Variants in SYNE2 observed in about 807,000 individuals in gnomAD.
SYNE2 encodes spectrin repeat containing nuclear envelope protein 2.
Under a neutral mutation model 856.3 loss-of-function variants are expected in SYNE2, and 431 were observed. The ratio of observed to expected loss-of-function variants is 0.50; its 90% confidence interval spans 0.47 to 0.55. The LOEUF (loss-of-function observed/expected upper bound fraction) is 0.55. SYNE2 is among the 20% of genes least tolerant of loss of function. SYNE2 has a pLI of 0.00. For synonymous variants in SYNE2, 2,923 were observed against 2,872.3 expected (o/e 1.02, Z -0.56); for missense variants, 8,129 against 8,023.2 (o/e 1.01, Z -0.50).
intron 84 of SYNE2, among the ~76,000 whole-genome samples, chr14:64,152,257 G>A (rs1176408508): frequency 1.3e-5 from 2 of 152,164 alleles, no homozygotes; most frequent in Middle Eastern, 3.2e-3. Context: ...TGAAAGGTTC[G>A]ATGACTTATG....
chr14:64,100,531 A>AAAAAAAAAATAT (rs1491537041), intron 63 of SYNE2, among the ~76,000 whole-genome samples: 4 of 39,482 alleles, frequency 1.0e-4, no homozygotes, highest in African/African-American at 3.7e-4. Context: ...AAAAAAAAAA[A>AAAAAAAAAATAT]ATATATATAT....
Position 64,137,874 on chromosome 14 carries a change from C to A in SYNE2, c.14734C>A (p.Pro4912Thr), listed in dbSNP as rs17766354. 11 of 1,614,016 alleles carry A rather than the reference C, an allele frequency of 6.8e-6. No individual in the cohort carries two copies. The highest frequency in any genetic ancestry group is 9.3e-6 in the Non-Finnish European group (11 of 1,180,040). The change falls in exon 79 of 116, where the codon CCT becomes ACT. Residue 4912 changes from proline (P) to threonine (T), a missense_variant. By Grantham distance (38) the Pro-to-Thr change is conservative. Coordinates refer to ENST00000555002, the MANE Select transcript of SYNE2 (RefSeq NM_182914.3). ...ACAGTTGGTGGCGTCTGTGAGCTGTCCTGAATTAGAGGGCCAGATCGCAAA... is the reference window on the plus strand; with the variant it reads ...ACAGTTGGTGGCGTCTGTGAGCTGTACTGAATTAGAGGGCCAGATCGCAAA... ...GKQLVASVSC[P>T]ELEGQIAKLE...
At chr14:64,169,230 C>T (rs1321242387) in intron 93 of SYNE2, among the ~76,000 whole-genome samples, 1 of 152,246 alleles carries the variant, frequency 6.6e-6, no homozygotes, top group Non-Finnish European at 1.5e-5. Context: ...AAAATGCCCA[C>T]TTCTCAAGTA....
In SYNE2 at chr14:64,183,969, G is replaced by A. The variant is rs568179870; in HGVS notation, c.17557-2455G>A. On this transcript the variant is annotated intron_variant, in intron 96 of 115. Coordinates refer to ENST00000555002, the MANE Select transcript of SYNE2 (RefSeq NM_182914.3). ...TGGAAAGAAGGGAGAGGGAGGGGGT[G>A]GGGAGGGGGAGGGGAGGGGGAGAGG... is the stretch of plus-strand genomic sequence containing the variant. 6.2e-3 allele frequency among the ~76,000 whole-genome samples: 860 copies of A among 138,022 alleles called. 12 individuals are homozygous for A. Among genetic ancestry groups the A allele is most frequent in the African/African-American group, 0.023 (817 of 35,662 alleles). The allele number at this position is 138,022 out of a possible 152,430, so 90.5% of individuals were successfully genotyped here.
At chr14:64,078,246 TTTTA>T (rs2097485759) in intron 54 of SYNE2, among the ~76,000 whole-genome samples, 2 of 152,224 alleles carry the variant, frequency 1.3e-5, no homozygotes, top group Non-Finnish European at 2.9e-5. Flanking sequence ...CCAATTTTTA[TTTTA>T]TTTAAGATGA....
At chr14:63,868,030 A>G (rs920901539) in intron 1 of SYNE2, among the ~76,000 whole-genome samples, 1 of 151,930 alleles carries the variant, frequency 6.6e-6, no homozygotes, top group African/African-American at 2.4e-5. Flanking sequence ...AGCATGGACT[A>G]CAGAGTAAGA....
chr14:64,014,929 T>TTATATA (rs372523173), intron 32 of SYNE2, among the ~76,000 whole-genome samples: 5 of 78,818 alleles, frequency 6.3e-5, no homozygotes, highest in East Asian at 3.9e-4. Flanking sequence ...GTATAATTCC[T>TTATATA]TATATATATA....
chr14:64,015,013 GTATATATGTATATAAA>G (rs1198740301), intron 32 of SYNE2, among the ~76,000 whole-genome samples: 2 of 124,926 alleles, frequency 1.6e-5, no homozygotes, highest in Non-Finnish European at 3.3e-5. Context: ...ATATATATGT[GTATATATGTATATAAA>G]TATATATGTA....
chr14:64,053,140 C>T lies in SYNE2; in HGVS notation c.9227C>T (p.Ser3076Phe), dbSNP rs753863403. ...GTAGTACTAAAAGCTCCTGATAGCT[C>T]TCCGGAAAGCAGACGGCTCAATGCC... ...TEVVLKAPDSSPESRRLNAQI... is the reference protein window; with the variant it reads ...TEVVLKAPDSFPESRRLNAQI... The change falls in exon 48 of 116, where the codon TCT (serine) becomes TTT (phenylalanine). Residue 3076 changes from serine (S) to phenylalanine (F), a missense_variant. Physicochemically the swap from Ser to Phe is radical, Grantham distance 155 (BLOSUM62 -2). Coordinates refer to ENST00000555002, the MANE Select transcript of SYNE2 (RefSeq NM_182914.3). The T allele has an allele frequency of 1.1e-5, 18 of 1,614,040 alleles. 2 individuals are homozygous for T. The South Asian group carries it at 2.0e-4, about 18-fold the overall frequency.
chr14:63,896,109 CA>C (rs35171033), intron 1 of SYNE2, among the ~76,000 whole-genome samples: 1 of 151,586 alleles, frequency 6.6e-6, no homozygotes, highest in African/African-American at 2.4e-5. Flanking sequence ...CTGTAGCAGC[CA>C]AAAAAGGGAG....
chr14:64,052,440 A>G lies in SYNE2; in HGVS notation c.8527A>G (p.Ile2843Val), dbSNP rs1595156253. Residue 2843 changes from isoleucine to valine, a missense_variant, in exon 48 of 116, where the codon ATA becomes GTA. Coordinates refer to ENST00000555002, the MANE Select transcript of SYNE2 (RefSeq NM_182914.3). ...LEERSNFFAI[I>V]RKFQLMVQES... Reference sequence around the variant, plus strand: ...AGAAAGAAGCAATTTTTTTGCTATAATAAGGAAGTTTCAACTTATGGTTCA... The same window carrying G: ...AGAAAGAAGCAATTTTTTTGCTATAGTAAGGAAGTTTCAACTTATGGTTCA... The G allele has an allele frequency of 6.2e-7, 1 of 1,613,098 alleles. No homozygotes were observed. The highest frequency in any genetic ancestry group is 8.5e-7 in the Non-Finnish European group (1 of 1,179,608).
intron 51 of SYNE2, 41 bp downstream of exon 51, chr14:64,065,691 T>A (rs974403609): frequency 1.2e-6 from 2 of 1,602,688 alleles, no homozygotes; most frequent in African/African-American, 2.7e-5. Flanking sequence ...GTTTCTAACA[T>A]GTTATTTAAA....
intron 3 of SYNE2, among the ~76,000 whole-genome samples, chr14:63,941,270 G>C (rs2095911249): frequency 6.6e-6 from 1 of 152,162 alleles, no homozygotes; most frequent in Non-Finnish European, 1.5e-5. Context: ...CACAATGAAT[G>C]AGCCTCTTCT....
chr14:64,221,462 TA>T, intron 111 of SYNE2, 113 bp from the exon 112 acceptor site: 1 of 1,600,308 alleles, frequency 6.2e-7, no homozygotes, highest in South Asian at 1.1e-5. Flanking sequence ...ATTCAGTGGG[TA>T]AGGCCAGAAA....
At chr14:64,068,881 AAAAG>A (rs1168078679) in intron 51 of SYNE2, among the ~76,000 whole-genome samples, 1 of 150,814 alleles carries the variant, frequency 6.6e-6, no homozygotes, top group Non-Finnish European at 1.5e-5. Context: ...AAAAAAAAAA[AAAAG>A]AGATTGTTCT....
At chr14:64,163,797 A>G (rs936907358) in intron 89 of SYNE2, among the ~76,000 whole-genome samples, 6 of 152,224 alleles carry the variant, frequency 3.9e-5, no homozygotes, top group Non-Finnish European at 8.8e-5. Context: ...TCTAGAAGTC[A>G]TATATGTATT....
intron 1 of SYNE2, among the ~76,000 whole-genome samples, chr14:63,831,596 C>A (rs1338182830): frequency 7.3e-6 from 1 of 136,602 alleles, no homozygotes; most frequent in East Asian, 2.2e-4. Flanking sequence ...CACTCTGTCT[C>A]CCAGGCAGGA....
intron 1 of SYNE2, among the ~76,000 whole-genome samples, chr14:63,847,438 C>G (rs951556421): frequency 2.0e-5 from 3 of 151,916 alleles, no homozygotes; most frequent in Non-Finnish European, 4.4e-5. Context: ...GCATGAGTGA[C>G]AGCATGAGAC....
chr14:64,037,131 C>T (rs1014743720), intron 45 of SYNE2, among the ~76,000 whole-genome samples: 14 of 150,468 alleles, frequency 9.3e-5, no homozygotes, highest in Non-Finnish European at 1.5e-5. Flanking sequence ...ATACTGTCTC[C>T]TCTTTTTTTT....
Sources: allele counts gnomAD v4.1 joint callset (sites outside exome capture counted in the v4.1 genomes callset), GRCh38; gene constraint gnomAD v4.1.1; transcripts MANE v1.5; gene names NCBI Gene and HGNC (gene_info 2026-07-23, HGNC 2026-07-21).